Variants in IFIH1 observed in about 807,000 individuals in gnomAD.
The protein encoded by IFIH1 is interferon-induced helicase C domain-containing protein 1.
IFIH1 carries 125 observed loss-of-function variants against 107.4 expected under a neutral mutation model. The ratio of observed to expected loss-of-function variants is 1.16; its 90% confidence interval spans 1.01 to 1.35. The LOEUF (loss-of-function observed/expected upper bound fraction) is 1.35. Among genes scored for constraint, IFIH1 ranks in the 40% most tolerant of loss-of-function variants. The pLI is 0.00. For synonymous variants in IFIH1, 458 were observed against 413.2 expected, an observed-to-expected ratio of 1.11 and a Z score of -1.31; for missense variants, 1,333 against 1,213.7, an observed-to-expected ratio of 1.10 and a Z score of -1.46.
At chr2:162,316,764 C>T (rs771862877) in intron 1 of IFIH1, among the ~76,000 whole-genome samples, 25 of 152,112 alleles carry the variant, frequency 1.6e-4, no homozygotes, top group Non-Finnish European at 2.9e-4. Flanking sequence ...TTTTGACTTA[C>T]GAGCCTGAAT....
chr2:162,288,487 C>T, intron 4 of IFIH1, 132 bp from the exon 5 acceptor site: 2 of 635,272 alleles, frequency 3.1e-6, no homozygotes, highest in South Asian at 2.0e-5. Flanking sequence ...TTCATTTTCT[C>T]TTTTCTGTAC....
intron 6 of IFIH1, 91 bp downstream of exon 6, chr2:162,282,275 G>T (rs6734769): frequency 2.6e-6 from 2 of 776,822 alleles, no homozygotes; most frequent in Non-Finnish European, 2.0e-6. Flanking sequence ...GACAATTTAA[G>T]CCACGAACAT....
At chr2:162,287,471 T>C (rs1373418097) in intron 5 of IFIH1, among the ~76,000 whole-genome samples, 1 of 151,854 alleles carries the variant, frequency 6.6e-6, no homozygotes, top group Non-Finnish European at 1.5e-5. Flanking sequence ...GAAGCAGACA[T>C]ATTTACTTAT....
At chr2:162,309,919 T>A (rs1398323211) in intron 2 of IFIH1, among the ~76,000 whole-genome samples, 1 of 152,206 alleles carries the variant, frequency 6.6e-6, no homozygotes, top group Non-Finnish European at 1.5e-5. Context: ...ATAACAAGGA[T>A]CACCTTTCTT....
chr2:162,295,813 T>C (rs1683076109), intron 3 of IFIH1, among the ~76,000 whole-genome samples: 3 of 151,868 alleles, frequency 2.0e-5, no homozygotes, highest in Admixed American at 1.3e-4. Context: ...GAAGAGCGTT[T>C]TGGGCAGATG....
Position 162,317,951 on chromosome 2 carries a change from G to A in IFIH1, c.357C>T (p.Asn119=). The change falls in exon 1 of 16, where the codon AAC becomes AAT. Residue 119 remains asparagine, a synonymous_variant. Coordinates refer to ENST00000649979, the MANE Select transcript of IFIH1 (RefSeq NM_022168.4). ...NAHDEYLQLL[N]LLQPTLVDKL... ...TGTCCACCAGAGTGGGCTGAAGGAG[G>A]TTCAGCAGTTGGAGATATTCATCAT... 1 of 1,614,168 alleles carries A rather than the reference G, an allele frequency of 6.2e-7. No homozygotes were observed. The highest frequency in any genetic ancestry group is 8.5e-7 in the Non-Finnish European group (1 of 1,180,002).
chr2:162,268,585 A>G (rs915594676), intron 13 of IFIH1, among the ~76,000 whole-genome samples: 6 of 151,154 alleles, frequency 4.0e-5, no homozygotes, highest in African/African-American at 1.5e-4. Flanking sequence ...CCCATTTGTT[A>G]TTTATTTATT....
intron 1 of IFIH1, among the ~76,000 whole-genome samples, chr2:162,311,545 T>C (rs1465308535): frequency 1.3e-5 from 2 of 152,138 alleles, no homozygotes; most frequent in Non-Finnish European, 2.9e-5. Context: ...GTTATATCTT[T>C]TTTTTGGAAA....
chr2:162,297,489 T>TAG (rs371011149), intron 3 of IFIH1, among the ~76,000 whole-genome samples: 3 of 152,150 alleles, frequency 2.0e-5, no homozygotes, highest in African/African-American at 7.2e-5. Context: ...AAAAAATATA[T>TAG]AGAGAGAGAT....
intron 1 of IFIH1, among the ~76,000 whole-genome samples, chr2:162,314,079 C>A (rs1173859632): frequency 6.6e-6 from 1 of 152,104 alleles, no homozygotes; most frequent in Non-Finnish European, 1.5e-5. Flanking sequence ...TATTAAGACA[C>A]TATGGAAATG....
At chr2:162,267,992 A>G (rs1015396136) in intron 14 of IFIH1, 95 bp downstream of exon 14, 15 of 778,960 alleles carry the variant, frequency 1.9e-5, no homozygotes, top group Middle Eastern at 2.4e-4. Context: ...TGTAAAATAA[A>G]TGAATCTCAT....
At chr2:162,268,770 A>G (rs1328873700) in intron 13 of IFIH1, among the ~76,000 whole-genome samples, 1 of 151,946 alleles carries the variant, frequency 6.6e-6, no homozygotes, top group East Asian at 1.9e-4. Flanking sequence ...TCATATTTTT[A>G]GTAGAGATGG....
intron 5 of IFIH1, among the ~76,000 whole-genome samples, chr2:162,286,770 T>C (rs536687009): frequency 7.2e-5 from 11 of 152,064 alleles, no homozygotes; most frequent in Middle Eastern, 3.4e-3. Context: ...TCCCTGGTTA[T>C]GTTACTTAGT....
rs1683080727 is a variant in IFIH1 at position 162,296,121 on chromosome 2, TCA to T, written c.770-2455_770-2454del. On this transcript the variant is annotated intron_variant, in intron 3 of 15. Coordinates refer to ENST00000649979, the MANE Select transcript of IFIH1 (RefSeq NM_022168.4). ...ATTTGATTTCCACTTCATTTTCTAA[TCA>T]CTAGCAGTTAAACTTTAATCTTAAA... 2.6e-5 allele frequency among the ~76,000 whole-genome samples: 4 copies of T among 152,226 alleles called. No homozygotes were observed. The East Asian group carries it at 7.8e-4, about 30-fold the overall frequency.
At position 162,317,895 on chromosome 2, in the gene IFIH1, C is replaced by T. The variant is rs774361518; in HGVS notation, c.413G>A (p.Cys138Tyr). The T allele has an allele frequency of 1.1e-5, 18 of 1,609,462 alleles. No individual in the cohort carries two copies. In the South Asian group the frequency reaches 2.0e-4, roughly 18 times the overall value. The change falls in exon 1 of 16, where the codon TGC becomes TAC. Residue 138 changes from cysteine (C) to tyrosine (Y), a missense_variant. Physicochemically the swap from Cys to Tyr is radical, Grantham distance 194. Coordinates refer to ENST00000649979, the MANE Select transcript of IFIH1 (RefSeq NM_022168.4). Reference sequence around the variant, plus strand: ...AATTGTCAACAGTTCCTCCTCCATGCACTTATCCAAGACGTCTCTAACTAG... The same window carrying T: ...AATTGTCAACAGTTCCTCCTCCATGTACTTATCCAAGACGTCTCTAACTAG... ...KLLVRDVLDKCMEEELLTIED... is the reference protein window; with the variant it reads ...KLLVRDVLDKYMEEELLTIED...
chr2:162,318,073 A>G lies in IFIH1; in HGVS notation c.235T>C (p.Phe79Leu). 1 of 1,614,130 alleles carries G rather than the reference A, an allele frequency of 6.2e-7. No homozygotes were observed. Among genetic ancestry groups the G allele is most frequent in the Non-Finnish European group, 8.5e-7 (1 of 1,180,014 alleles). The change falls in exon 1 of 16, where the codon TTC becomes CTC. Residue 79 changes from phenylalanine to leucine, a missense_variant. Coordinates refer to ENST00000649979, the MANE Select transcript of IFIH1 (RefSeq NM_022168.4). ...GVWHLGWTRE[F>L]VEALRRTGSP... ...CCGGTTCTCCGGAGGGCCTCCACGA[A>G]TTCCCGAGTCCAACCAAGGTGCCAG...
intron 1 of IFIH1, among the ~76,000 whole-genome samples, chr2:162,311,838 A>T (rs1371444159): frequency 6.6e-6 from 1 of 152,176 alleles, no homozygotes. Context: ...GTTACAAGGC[A>T]GCTGAAAAGA....
intron 3 of IFIH1, among the ~76,000 whole-genome samples, chr2:162,306,270 T>C (rs1382230878): frequency 6.6e-6 from 1 of 152,224 alleles, no homozygotes; most frequent in Non-Finnish European, 1.5e-5. Context: ...TCTTCCTTTT[T>C]ATAGCTTTGA....
intron 4 of IFIH1, 83 bp from the exon 5 acceptor site, chr2:162,288,438 T>C (rs896586108): frequency 2.1e-6 from 2 of 964,400 alleles, no homozygotes; most frequent in Non-Finnish European, 3.2e-6. Flanking sequence ...CGTAGGCCTC[T>C]TGTGCTTTAA....
Sources: allele counts gnomAD v4.1 joint callset (sites outside exome capture counted in the v4.1 genomes callset), GRCh38; gene constraint gnomAD v4.1.1; transcripts MANE v1.5; gene names NCBI Gene and HGNC (gene_info 2026-07-23, HGNC 2026-07-21).